Variants in SUMF1 observed in about 807,000 individuals in gnomAD.
SUMF1 encodes the protein formylglycine-generating enzyme.
Under a neutral mutation model 47.6 loss-of-function variants are expected in SUMF1, and 48 were observed. That is an observed-to-expected ratio of 1.01 (90% CI 0.80 to 1.28). The LOEUF (loss-of-function observed/expected upper bound fraction) is 1.28, where lower values mean the gene tolerates loss of function less well. Ranked by LOEUF, SUMF1 falls within the 50% of genes most tolerant of loss-of-function variation. The pLI, the probability that SUMF1 is intolerant of heterozygous loss-of-function variation, is 0.00. For synonymous variants in SUMF1, 230 were observed against 192.1 expected, an observed-to-expected ratio of 1.20 and a Z score of -1.63; for missense variants, 571 against 485.4, an observed-to-expected ratio of 1.18 and a Z score of -1.66.
At chr3:4,038,853 T>C (rs1694853305) in intron 9 of SUMF1, among the ~76,000 whole-genome samples, 1 of 152,068 alleles carries the variant, frequency 6.6e-6, no homozygotes, top group Admixed American at 6.5e-5. Flanking sequence ...ACCAGGAAAA[T>C]GCAAATCAAA....
At chr3:4,089,702 C>G (rs1251087000) in intron 8 of SUMF1, among the ~76,000 whole-genome samples, 1 of 152,172 alleles carries the variant, frequency 6.6e-6, no homozygotes, top group Non-Finnish European at 1.5e-5. Context: ...ATTCCTAACT[C>G]ATTCTTTGAA....
chr3:4,324,278 A>G (rs1193407256), intron 8 of SUMF1, among the ~76,000 whole-genome samples: 1 of 152,196 alleles, frequency 6.6e-6, no homozygotes, highest in Admixed American at 6.6e-5. Flanking sequence ...ATTTGGTATC[A>G]TTGTTAATAG....
At chr3:4,283,527 A>G (rs1468656858) in intron 8 of SUMF1, among the ~76,000 whole-genome samples, 1 of 152,218 alleles carries the variant, frequency 6.6e-6, no homozygotes, top group Non-Finnish European at 1.5e-5. Flanking sequence ...AAAGATTAAC[A>G]AATTACAATA....
chr3:4,186,227 A>G (rs942447825), intron 8 of SUMF1, among the ~76,000 whole-genome samples: 3 of 152,156 alleles, frequency 2.0e-5, no homozygotes, highest in African/African-American at 4.8e-5. Context: ...GTCACAAAAT[A>G]CAAAGATCCA....
intron 8 of SUMF1, among the ~76,000 whole-genome samples, chr3:4,312,649 C>T (rs1432333268): frequency 6.7e-6 from 1 of 149,044 alleles, no homozygotes; most frequent in Non-Finnish European, 1.5e-5. Context: ...TTACAGTGAA[C>T]TGTGATCACA....
At chr3:4,294,868 T>C (rs1360027619) in intron 8 of SUMF1, among the ~76,000 whole-genome samples, 1 of 139,648 alleles carries the variant, frequency 7.2e-6, no homozygotes, top group Non-Finnish European at 1.6e-5. Context: ...GAGGTCTTTT[T>C]GGACTAACTA....
chr3:4,322,563 A>G (rs113001972), intron 8 of SUMF1, among the ~76,000 whole-genome samples: 1,623 of 152,116 alleles, frequency 0.011, 17 homozygotes, highest in African/African-American at 0.036. Context: ...AGGGGTCTGA[A>G]GCAGGAGGAT....
chr3:4,054,035 A>G (rs1695154262), intron 9 of SUMF1, among the ~76,000 whole-genome samples: 1 of 152,178 alleles, frequency 6.6e-6, no homozygotes, highest in South Asian at 2.1e-4. Context: ...AATTTCTAAA[A>G]CAATCAATAG....
intron 8 of SUMF1, among the ~76,000 whole-genome samples, chr3:4,194,956 TG>T (rs1298052320): frequency 6.6e-6 from 1 of 152,164 alleles, no homozygotes; most frequent in Non-Finnish European, 1.5e-5. Context: ...TGCTAAAGGC[TG>T]TCTGCCAAAA....
chr3:4,438,303 C>T (rs1460490780), intron 3 of SUMF1, among the ~76,000 whole-genome samples: 1 of 152,018 alleles, frequency 6.6e-6, no homozygotes, highest in East Asian at 1.9e-4. Context: ...CAAAGATTCT[C>T]TCCTTGACTA....
intron 8 of SUMF1, among the ~76,000 whole-genome samples, chr3:4,251,896 T>C (rs1696810408): frequency 6.6e-6 from 1 of 152,202 alleles, no homozygotes; most frequent in African/African-American, 2.4e-5. Flanking sequence ...GCTATCTACA[T>C]TTTTAGAGAT....
intron 8 of SUMF1, among the ~76,000 whole-genome samples, chr3:4,257,478 G>C (rs1415979390): frequency 6.6e-6 from 1 of 150,794 alleles, no homozygotes; most frequent in African/African-American, 2.4e-5. Context: ...CAGACAAACA[G>C]AGAACCAAAT....
intron 9 of SUMF1, among the ~76,000 whole-genome samples, chr3:4,062,724 T>C (rs1023041194): frequency 6.6e-6 from 1 of 152,244 alleles, no homozygotes. Context: ...AATGATTGCA[T>C]TTGTAGGCAT....
intron 8 of SUMF1, among the ~76,000 whole-genome samples, chr3:4,277,007 T>C (rs13059252): frequency 0.36 from 53,976 of 151,936 alleles, 10,265 homozygotes; most frequent in Non-Finnish European, 0.44. Context: ...AGGTAAAATA[T>C]CAAACACATC....
At chr3:4,442,823 G>C (rs571975789) in intron 3 of SUMF1, among the ~76,000 whole-genome samples, 1 of 152,038 alleles carries the variant, frequency 6.6e-6, no homozygotes, top group African/African-American at 2.4e-5. Context: ...GAAAAACTGA[G>C]TTCAAATGCA....
chr3:4,066,063 G>A (rs1695369618), intron 9 of SUMF1, among the ~76,000 whole-genome samples: 1 of 152,030 alleles, frequency 6.6e-6, no homozygotes, highest in Admixed American at 6.6e-5. Flanking sequence ...AACAGAATGA[G>A]CCTCCTGGGG....
At chr3:4,466,582 GAGACTACAGATAAGT>G (rs1483987326) in intron 1 of SUMF1, among the ~76,000 whole-genome samples, 1 of 152,126 alleles carries the variant, frequency 6.6e-6, no homozygotes, top group Non-Finnish European at 1.5e-5. Context: ...TGTACTCGAG[GAGACTACAGATAAGT>G]ATACAACAAC....
chr3:4,197,869 C>T (rs1261002464), intron 8 of SUMF1, among the ~76,000 whole-genome samples: 2 of 152,126 alleles, frequency 1.3e-5, no homozygotes, highest in Admixed American at 6.5e-5. Flanking sequence ...AACTGTGATC[C>T]ATGGGGTATC....
intron 8 of SUMF1, among the ~76,000 whole-genome samples, chr3:4,155,556 A>T (rs1245402644): frequency 3.3e-5 from 5 of 151,474 alleles, no homozygotes; most frequent in Non-Finnish European, 7.4e-5. Flanking sequence ...AAATAGCGGC[A>T]GTACAAACTT....
Sources: allele counts gnomAD v4.1 joint callset (sites outside exome capture counted in the v4.1 genomes callset), GRCh38; gene constraint gnomAD v4.1.1; transcripts MANE v1.5; gene names NCBI Gene and HGNC (gene_info 2026-07-23, HGNC 2026-07-21).